The following SEMA4B variants were observed in gnomAD, a reference collection of about 807,000 sequenced individuals.
The protein encoded by SEMA4B is semaphorin-4B.
A neutral mutation model predicts 88.1 loss-of-function variants in SEMA4B; 55 were observed. The ratio of observed to expected loss-of-function variants is 0.62; its 90% CI spans 0.50 to 0.78. SEMA4B has a LOEUF of 0.78. SEMA4B is among the 30% of genes least tolerant of loss of function. The pLI is 0.00. For synonymous variants in SEMA4B, 525 were observed against 473.6 expected, an observed-to-expected ratio of 1.11 and a Z score of -1.41; for missense variants, 1,062 against 1,111.9, an observed-to-expected ratio of 0.96 and a Z score of 0.64.
In SEMA4B at chr15:90,227,866, G is replaced by A. The variant is rs779370804; in HGVS notation, c.1775-38G>A. On this transcript the variant is annotated intron_variant, in intron 13 of 13. Coordinates refer to ENST00000411539, the MANE Select transcript of SEMA4B (RefSeq NM_198925.4). ...AGGGGAGCTTGGAGCTACTGTGGAC[G>A]CTGGCACCCCCCTACCCCATGCCTT... The A allele has an allele frequency of 7.5e-6, 12 of 1,604,108 alleles. No homozygotes were observed. The East Asian group carries it at 1.3e-4, about 18-fold the overall frequency.
chr15:90,207,527 A>G (rs929096764), intron 1 of SEMA4B, among the ~76,000 whole-genome samples: 13 of 152,246 alleles, frequency 8.5e-5, no homozygotes, highest in Non-Finnish European at 1.9e-4. Context: ...TATCTCATGC[A>G]GATGAGGAAA....
intron 1 of SEMA4B, among the ~76,000 whole-genome samples, chr15:90,185,249 C>A (rs1023337752): frequency 6.6e-6 from 1 of 152,246 alleles, no homozygotes; most frequent in Admixed American, 6.5e-5. Context: ...TGGGGCCCGC[C>A]GCCCGGGGAG....
chr15:90,189,555 C>G (rs141811228), intron 1 of SEMA4B, among the ~76,000 whole-genome samples: 7 of 152,176 alleles, frequency 4.6e-5, no homozygotes, highest in Admixed American at 1.3e-4. Context: ...TATTAATTAG[C>G]TATATAAATG....
intron 1 of SEMA4B, among the ~76,000 whole-genome samples, chr15:90,209,818 G>T (rs898541778): frequency 8.0e-5 from 7 of 87,994 alleles, no homozygotes; most frequent in African/African-American, 1.2e-4. Context: ...GGGACTTCCT[G>T]AACAGACCGG....
rs760962508 is a variant in SEMA4B, at chr15:90,221,379, A to G, written c.608A>G (p.Tyr203Cys). 5 of 1,564,300 alleles carry G rather than the reference A, an allele frequency of 3.2e-6. No homozygotes were observed. Among genetic ancestry groups the G allele is most frequent in the Non-Finnish European group, 4.3e-6 (5 of 1,155,396 alleles). The change falls in exon 6 of 14, where the codon TAC becomes TGC. Residue 203 changes from tyrosine to cysteine, a missense_variant. By Grantham distance (194) the Tyr-to-Cys change is radical (BLOSUM62 -2). Transcript: ENST00000411539. Reference sequence around the variant, plus strand: ...GTTTTCTTGGCAGATGGCGAGCTCTACACTGGAACAGTCAGCAGCTTCCAA... The same window carrying G: ...GTTTTCTTGGCAGATGGCGAGCTCTGCACTGGAACAGTCAGCAGCTTCCAA... ...STALVVDGEL[Y>C]TGTVSSFQGN...
At position 90,193,844 on chromosome 15, in the gene SEMA4B, CT is replaced by C. The variant is rs751116577; in HGVS notation, c.-121-7601del. ...TTCTTGCAATCTTTTTCATAATATT[CT>C]TTTTTTTTTTTTGGGTTGGTCGGGG... On this transcript the variant is annotated intron_variant, in intron 1 of 14. Coordinates refer to the SEMA4B transcript ENST00000332496. Among the ~76,000 whole-genome samples, 408 of 142,824 alleles carry C rather than the reference CT, an allele frequency of 2.9e-3. 1 individual carries two copies. Among genetic ancestry groups the C allele is most frequent in the Middle Eastern group, 3.7e-3 (1 of 272 alleles). The allele number at this position is 142,824 out of a possible 152,430, so 93.7% of individuals were successfully genotyped here.
intron 1 of SEMA4B, among the ~76,000 whole-genome samples, chr15:90,208,458 G>A (rs1407864509): frequency 1.3e-5 from 2 of 152,178 alleles, no homozygotes; most frequent in African/African-American, 4.8e-5. Context: ...GCAAGGGGAG[G>A]AGTAGGGAGC....
In SEMA4B at chr15:90,219,720, G is replaced by GA. The variant is rs1555423233; in HGVS notation, c.385-73_385-72insA. On this transcript the variant is annotated intron_variant, in intron 3 of 13. Coordinates refer to ENST00000411539, the MANE Select transcript of SEMA4B (RefSeq NM_198925.4). ...GCAGAGGCCGGGCCTGGGTGTGGAAGGGGGGGCTCGGCGGTGCCCCCTGGT... is the reference window on the plus strand; with the variant it reads ...GCAGAGGCCGGGCCTGGGTGTGGAAGAGGGGGGCTCGGCGGTGCCCCCTGGT... The GA allele has an allele frequency of 3.1e-4, 340 of 1,104,178 alleles. 1 individual carries two copies. The African/African-American group carries it at 6.3e-3, about 21-fold the overall frequency. 68.4% of individuals were successfully genotyped at this position (1,104,178 alleles called of 1,614,324 possible).
intron 4 of SEMA4B, among the ~76,000 whole-genome samples, chr15:90,220,373 T>C (rs1171050852): frequency 7.2e-6 from 1 of 139,536 alleles, no homozygotes; most frequent in African/African-American, 2.7e-5. Context: ...TTTTCTTTTT[T>C]TTTTTTTTTT....
intron 9 of SEMA4B, among the ~76,000 whole-genome samples, chr15:90,224,695 T>G (rs942061015): frequency 1.3e-5 from 2 of 152,174 alleles, no homozygotes; most frequent in African/African-American, 4.8e-5. Flanking sequence ...AGTGTGGTCC[T>G]GGTTCTTGAG....
rs779604538 is a variant in SEMA4B, at chr15:90,221,455, C to T, written c.684C>T (p.Thr228=). Reference sequence around the variant, plus strand: ...GCCAAAGCCTTCGCCCCACCAAGACCGAGAGCTCCCTCAACTGGCTGCAAG... The same window carrying T: ...GCCAAAGCCTTCGCCCCACCAAGACTGAGAGCTCCCTCAACTGGCTGCAAG... ...SRSQSLRPTK[T]ESSLNWLQDP... The change falls in exon 6 of 14, where the codon ACC becomes ACT. Residue 228 remains threonine (T), a synonymous_variant. Coordinates refer to ENST00000411539, the MANE Select transcript of SEMA4B (RefSeq NM_198925.4). 27 of 1,591,074 alleles carry T rather than the reference C, an allele frequency of 1.7e-5. No homozygotes were observed. In the South Asian group the frequency reaches 3.0e-4, roughly 17 times the overall value.
At chr15:90,192,623 T>C (rs1411417764) in intron 1 of SEMA4B, among the ~76,000 whole-genome samples, 2 of 140,090 alleles carry the variant, frequency 1.4e-5, no homozygotes, top group African/African-American at 5.3e-5. Context: ...GGAATCTTGC[T>C]CTTGTCACCC....
intron 3 of SEMA4B, among the ~76,000 whole-genome samples, chr15:90,219,024 T>C (rs1181766643): frequency 6.6e-6 from 1 of 152,092 alleles, no homozygotes; most frequent in African/African-American, 2.4e-5. Context: ...TGAGCAGAGA[T>C]GTGACATGGT....
At position 90,225,666 on chromosome 15, in the gene SEMA4B, G is replaced by T; in HGVS notation, c.1527G>T (p.Leu509=). Residue 509 remains leucine, a synonymous_variant, in exon 12 of 14, where the codon CTG becomes CTT. Coordinates refer to ENST00000411539, the MANE Select transcript of SEMA4B (RefSeq NM_198925.4). ...QNLLLDTHRG[L]LYAASHSGVV... ...CCCCGTGTCTGGCTGTGCAGGGGCT[G>T]CTGTATGCGGCCTCACACTCGGGCG... The T allele has an allele frequency of 6.4e-7, 1 of 1,563,648 alleles. No individual in the cohort carries two copies.
chr15:90,192,640 G>T (rs1226802460), intron 1 of SEMA4B, among the ~76,000 whole-genome samples: 2 of 141,888 alleles, frequency 1.4e-5, no homozygotes. Flanking sequence ...ACCCAGGCTG[G>T]AGTGCAGTGG....
rs1340042290 is a variant in SEMA4B, at chr15:90,204,849, C to T, written c.157+3114C>T. Among the ~76,000 whole-genome samples the T allele has an allele frequency of 2.0e-5, 3 of 152,184 alleles. No homozygotes were observed. The South Asian group carries it at 6.2e-4, about 32-fold the overall frequency. ...GGAGTACAGTGATGCCATCTCCGCT[C>T]ACTGCAGCCTCCACCTCCCAAGTTC... On this transcript the variant is annotated intron_variant, in intron 1 of 13. Transcript: ENST00000411539.
At chr15:90,197,400 A>G (rs922387430), upstream of SEMA4B, among the ~76,000 whole-genome samples, 1 of 152,008 alleles carries the variant, frequency 6.6e-6, no homozygotes, top group African/African-American at 2.4e-5. Flanking sequence ...AATAAAAAAG[A>G]AAAAAGTAAA....
Position 90,221,736 on chromosome 15 carries a change from AT to A in SEMA4B, c.834del (p.Ile278MetfsTer51). The A allele has an allele frequency of 1.2e-6, 2 of 1,613,898 alleles. No individual in the cohort carries two copies. The highest frequency in any genetic ancestry group is 8.5e-7 in the Non-Finnish European group (1 of 1,179,874). On this transcript the variant is annotated frameshift_variant, in exon 7 of 14. Coordinates refer to ENST00000411539, the MANE Select transcript of SEMA4B (RefSeq NM_198925.4). LOFTEE classifies it high-confidence loss of function. ...GGAATTTGAGTTCTTTGAGAACACC[AT>A]TGTGTCCCGCATTGCCCGCATCTGC... ...GQEFEFFENTIVSRIARICKG... is the reference protein window; with the variant it reads ...GQEFEFFENTXVSRIARICKG...
chr15:90,228,479 C>T lies in SEMA4B; in HGVS notation c.2350C>T (p.His784Tyr), dbSNP rs778803567. The T allele has an allele frequency of 6.2e-7, 1 of 1,610,076 alleles. No individual in the cohort carries two copies. The highest frequency in any genetic ancestry group is 8.5e-7 in the Non-Finnish European group (1 of 1,178,808). Reference sequence around the variant, plus strand: ...AGGGCCCCCTAGCACCCCGCTCGATCACCGAGGGTACCAGTCCCTGTCAGA... The same window carrying T: ...AGGGCCCCCTAGCACCCCGCTCGATTACCGAGGGTACCAGTCCCTGTCAGA... ...GLGPPSTPLD[H>Y]RGYQSLSDSP... Residue 784 changes from histidine to tyrosine, a missense_variant, in exon 14 of 14, where the codon CAC (histidine) becomes TAC (tyrosine). His to Tyr is a moderately conservative substitution (Grantham distance 83). Coordinates refer to ENST00000411539, the MANE Select transcript of SEMA4B (RefSeq NM_198925.4).
Sources: allele counts gnomAD v4.1 joint callset (sites outside exome capture counted in the v4.1 genomes callset), GRCh38; gene constraint gnomAD v4.1.1; transcripts MANE v1.5; gene names NCBI Gene and HGNC (gene_info 2026-07-23, HGNC 2026-07-21).